Variants in TTC21A observed in about 807,000 individuals in gnomAD.
TTC21A encodes tetratricopeptide repeat domain 21A.
A neutral mutation model predicts 156.4 loss-of-function variants in TTC21A; 128 were observed. The ratio of observed to expected loss-of-function variants is 0.82; its 90% confidence interval spans 0.71 to 0.95. The LOEUF is 0.95. TTC21A is among the 40% of genes least tolerant of loss of function. The probability of loss-of-function intolerance (pLI) is 0.00; values close to 1 mark genes in which losing one functional copy is unlikely to be tolerated. For missense variants in TTC21A, 1,435 were observed against 1,602.3 expected (o/e 0.90, Z 1.78); for synonymous variants, 587 against 617.1 (o/e 0.95, Z 0.72).
intron 22 of TTC21A, 110 bp from the exon 23 acceptor site, chr3:39,136,247 T>G: frequency 8.5e-7 from 1 of 1,173,612 alleles, no homozygotes. Flanking sequence ...GGAATGTCCC[T>G]GCTCAGCCCA....
intron 14 of TTC21A, 33 bp from the exon 15 acceptor site, chr3:39,129,039 A>G (rs770908120): frequency 1.2e-6 from 2 of 1,611,822 alleles, no homozygotes; most frequent in Admixed American, 3.3e-5. Context: ...CTTGTGCATC[A>G]AGTGAAGGGT....
rs1370801194 is a variant in TTC21A, at chr3:39,138,219, C to A, written c.3676-48C>A. ...CCAGTCCCACCCTGGCCCAGGGAAC[C>A]AGTTGGGGCTTCCGCTCTGCAGAGG... is the stretch of plus-strand genomic sequence containing the variant. On this transcript the variant is annotated intron_variant, in intron 26 of 28. Transcript: ENST00000683103. 11 of 1,611,600 alleles carry A rather than the reference C, an allele frequency of 6.8e-6. 1 individual carries two copies. Among genetic ancestry groups the A allele is most frequent in the Non-Finnish European group, 8.5e-6 (10 of 1,178,500 alleles).
chr3:39,111,511 G>C (rs2036825692), intron 4 of TTC21A, among the ~76,000 whole-genome samples: 2 of 152,174 alleles, frequency 1.3e-5, no homozygotes, highest in South Asian at 4.1e-4. Context: ...TGCTGGAACT[G>C]AATGGTGGCT....
intron 23 of TTC21A, 40 bp from the exon 24 acceptor site, chr3:39,136,859 C>T (rs1202720080): frequency 1.2e-6 from 2 of 1,609,970 alleles, no homozygotes; most frequent in Non-Finnish European, 1.7e-6. Flanking sequence ...GTCTGGGCCT[C>T]AGTTTCCCTC....
At position 39,133,145 on chromosome 3, in the gene TTC21A, A is replaced by T; in HGVS notation, c.2656A>T (p.Ile886Phe). ...SQKQLAASICIQFAEHYLAEK... is the reference protein window; with the variant it reads ...SQKQLAASICFQFAEHYLAEK... ...GAAGCAACTGGCAGCCTCTATCTGC[A>T]TCCAATTTGCAGAGCACTACCTGGC... is the stretch of plus-strand genomic sequence containing the variant. Residue 886 changes from isoleucine (I) to phenylalanine (F), a missense_variant, in exon 20 of 29, where the codon ATC becomes TTC. Transcript: ENST00000683103. The T allele has an allele frequency of 6.2e-7, 1 of 1,613,976 alleles. No individual in the cohort carries two copies. The highest frequency in any genetic ancestry group is 8.5e-7 in the Non-Finnish European group (1 of 1,180,048).
rs2038974172 is a variant in TTC21A, at chr3:39,134,561, G to A, written c.2862+233G>A. ...ATCTCCTGGGCCAGTCTAAGGTGGGGTGAGGTTGATTCACCCCAGGGGAAA... is the reference window on the plus strand; with the variant it reads ...ATCTCCTGGGCCAGTCTAAGGTGGGATGAGGTTGATTCACCCCAGGGGAAA... On this transcript the variant is annotated intron_variant, in intron 21 of 28. Coordinates refer to ENST00000683103, the MANE Select transcript of TTC21A (RefSeq NM_001366900.1). This position sits in a 1 kb window ranked among gnomAD's most constrained non-coding sequence, Gnocchi z 4.6. The A allele has an allele frequency of 1.6e-6, 1 of 616,230 alleles. No homozygotes were observed. The highest frequency in any genetic ancestry group is 1.8e-5 in the African/African-American group (1 of 55,298). The allele number at this position is 616,230 out of a possible 1,614,324, so 38.2% of individuals were successfully genotyped here. A position where few individuals can be genotyped will look rare whatever the true frequency, so the allele number is the denominator to read the frequency against.
At chr3:39,137,804 A>AT in intron 26 of TTC21A, 94 bp downstream of exon 26, 1 of 1,334,012 alleles carries the variant, frequency 7.5e-7, no homozygotes. Context: ...TAGAGGCCAT[A>AT]TGGAATAAGA....
At position 39,132,742 on chromosome 3, in the gene TTC21A, C is replaced by A. The variant is rs1021011377; in HGVS notation, c.2563-310C>A. 1.4e-5 allele frequency: 6 copies of A among 427,360 alleles called. No homozygotes were observed. The East Asian group carries it at 2.0e-4, about 14-fold the overall frequency. The allele number at this position is 427,360 out of a possible 1,614,324, so 26.5% of individuals were successfully genotyped here. A position where few individuals can be genotyped will look rare whatever the true frequency, so the allele number is the denominator to read the frequency against. ...CTTGGACACCTACTGTGTGCTAGTTCTAGCCTGTAGTGCAGTGAAGCGAAT... is the reference window on the plus strand; with the variant it reads ...CTTGGACACCTACTGTGTGCTAGTTATAGCCTGTAGTGCAGTGAAGCGAAT... On this transcript the variant is annotated intron_variant, in intron 19 of 28. Transcript: ENST00000683103.
chr3:39,128,916 G>A lies in TTC21A; in HGVS notation c.1880G>A (p.Arg627Gln), dbSNP rs1411544339. The A allele has an allele frequency of 1.2e-5, 19 of 1,614,072 alleles. No homozygotes were observed. Among genetic ancestry groups the A allele is most frequent in the East Asian group, 6.7e-5 (3 of 44,896 alleles). ...TTATTGGAACTGGTGGAGGCCCTCC[G>A]GCTGAATGGGGAGCTAGTAAGAAAT... is the stretch of plus-strand genomic sequence containing the variant. ...SILLELVEAL[R>Q]LNGELHEATK... The change falls in exon 14 of 29, where the codon CGG becomes CAG. Residue 627 changes from arginine to glutamine, a missense_variant. Physicochemically the swap from Arg to Gln is conservative, Grantham distance 43. Coordinates refer to ENST00000683103, the MANE Select transcript of TTC21A (RefSeq NM_001366900.1).
chr3:39,112,818 G>T (rs1225142935), intron 5 of TTC21A, among the ~76,000 whole-genome samples: 8 of 152,108 alleles, frequency 5.3e-5, no homozygotes, highest in Non-Finnish European at 1.2e-4. Flanking sequence ...TTGCATGGGG[G>T]TCTTCTCAGG....
chr3:39,134,418 A>T lies in TTC21A; in HGVS notation c.2862+90A>T. The T allele has an allele frequency of 1.1e-6, 1 of 907,326 alleles. No homozygotes were observed. The highest frequency in any genetic ancestry group is 1.3e-5 in the South Asian group (1 of 76,778). The allele number at this position is 907,326 out of a possible 1,614,324, so 56.2% of individuals were successfully genotyped here. On this transcript the variant is annotated intron_variant, in intron 21 of 28. Coordinates refer to ENST00000683103, the MANE Select transcript of TTC21A (RefSeq NM_001366900.1). The surrounding 1 kb of genome is among the most constrained non-coding windows in gnomAD (Gnocchi z 4.6). ...GATGCAGGCTACTTCCTAGCCCCGT[A>T]ACCTCAGATGCCTCACTGACACACC...
intron 7 of TTC21A, 26 bp from the exon 8 acceptor site, chr3:39,119,896 T>G: frequency 7.2e-6 from 11 of 1,519,370 alleles, no homozygotes; most frequent in East Asian, 2.3e-5. Flanking sequence ...CCTTGCATGT[T>G]GACATTCTCT....
rs2038549376 is a variant in TTC21A at position 39,129,398 on chromosome 3, G to C, written c.2135+88G>C. The C allele has an allele frequency of 2.3e-5, 23 of 1,011,590 alleles. 1 individual carries two copies. The highest frequency in any genetic ancestry group is 4.2e-4 in the Middle Eastern group (2 of 4,804). 62.7% of individuals were successfully genotyped at this position (1,011,590 alleles called of 1,614,324 possible). ...TTCAGATGGTATTTCTTCAACCTGG[G>C]TCTCCAGAATGTGTCCTTGGAGTGT... On this transcript the variant is annotated intron_variant, in intron 15 of 28. Transcript: ENST00000683103.
At chr3:39,129,614 G>T (rs540543151) in intron 15 of TTC21A, among the ~76,000 whole-genome samples, 2 of 152,352 alleles carry the variant, frequency 1.3e-5, no homozygotes, top group South Asian at 4.1e-4. Context: ...GCTCCAAGCT[G>T]CTGTCTCTGT....
At chr3:39,116,210 G>A (rs111371829) in intron 6 of TTC21A, among the ~76,000 whole-genome samples, 2,100 of 152,370 alleles carry the variant, frequency 0.014, 51 homozygotes, top group African/African-American at 0.047. Flanking sequence ...CCTCATGGAA[G>A]CTTTCCCAGT....
chr3:39,117,554 T>C (rs2037399086), intron 6 of TTC21A, among the ~76,000 whole-genome samples: 1 of 152,202 alleles, frequency 6.6e-6, no homozygotes, highest in Non-Finnish European at 1.5e-5. Context: ...GGCACCATGG[T>C]CATGTCTGGT....
At chr3:39,117,013 C>T (rs2037349916) in intron 6 of TTC21A, among the ~76,000 whole-genome samples, 1 of 152,136 alleles carries the variant, frequency 6.6e-6, no homozygotes, top group African/African-American at 2.4e-5. Flanking sequence ...GGCCTGTTTT[C>T]TGACTCTTGA....
rs766253954 is a variant in TTC21A at position 39,130,307 on chromosome 3, C to G, written c.2268C>G (p.Ser756=). The G allele has an allele frequency of 2.5e-6, 4 of 1,613,858 alleles. No homozygotes were observed. Residue 756 remains serine, a synonymous_variant, in exon 17 of 29, where the codon TCC becomes TCG. Transcript: ENST00000683103. The surrounding 1 kb of genome is among the most constrained non-coding windows in gnomAD (Gnocchi z 4.5). ...EAYRQNPHDA[S]LASRIGHAYV... ...ATAGACAGAACCCACATGACGCCTC[C>G]CTGGCCAGCAGAATTGGGCACGCTT... is the stretch of plus-strand genomic sequence containing the variant.
chr3:39,135,218 C>T, intron 22 of TTC21A, 44 bp downstream of exon 22: 2 of 1,534,530 alleles, frequency 1.3e-6, no homozygotes, highest in East Asian at 2.2e-5. Context: ...TCCCACTGAG[C>T]AAGGGCCGCT....
Sources: gnomAD v4.1 joint callset for allele counts (sites outside exome capture counted in the v4.1 genomes callset) on GRCh38, gnomAD v4.1.1 for gene constraint, Gnocchi (gnomAD v3.1) non-coding constraint, MANE v1.5 for transcripts, NCBI Gene and HGNC (gene_info 2026-07-23, HGNC 2026-07-21) for gene names.